Variants in PDE10A observed in about 807,000 individuals in gnomAD.
PDE10A encodes the protein cAMP and cAMP-inhibited cGMP 3',5'-cyclic phosphodiesterase 10A.
Under a neutral mutation model 97.7 loss-of-function variants are expected in PDE10A, and 39 were observed. The observed-to-expected ratio is 0.40, with a 90% CI of 0.31 to 0.52. The LOEUF is 0.52. Ranked by LOEUF, PDE10A falls within the 20% of genes least tolerant of loss-of-function variation. The probability of loss-of-function intolerance (pLI) is 0.56; values close to 1 mark genes in which losing one functional copy is unlikely to be tolerated. For synonymous variants in PDE10A, 371 were observed against 376.8 expected (o/e 0.98, Z 0.18); for missense variants, 731 against 1,047.8 (o/e 0.70, Z 4.17).
chr6:165,881,473 GCAA>G (rs553718863), intron 1 of PDE10A, among the ~76,000 whole-genome samples: 186 of 139,400 alleles, frequency 1.3e-3, no homozygotes, highest in African/African-American at 5.0e-3. Flanking sequence ...TCAGCTCACT[GCAA>G]TCTCCCCCTC....
In PDE10A at chr6:165,735,060, A is replaced by ATAGG. The variant is rs570771376; in HGVS notation, c.-614-191496_-614-191493dup. On this transcript the variant is annotated intron_variant, in intron 1 of 19. Coordinates refer to the PDE10A transcript ENST00000366882. Reference sequence around the variant, plus strand: ...AGATAGATAATAGGGAGGTAGACAGATAGGTAGGTAGGTAGGTAGGTTTGT... The same window carrying ATAGG: ...AGATAGATAATAGGGAGGTAGACAGATAGGTAGGTAGGTAGGTAGGTAGGTTTGT... Among the ~76,000 whole-genome samples, 319 of 151,206 alleles carry ATAGG rather than the reference A, an allele frequency of 2.1e-3. 3 individuals carry two copies. Among genetic ancestry groups the ATAGG allele is most frequent in the Middle Eastern group, 0.011 (3 of 276 alleles).
At chr6:165,827,853 C>A (rs139906207) in intron 1 of PDE10A, among the ~76,000 whole-genome samples, 5,560 of 152,258 alleles carry the variant, frequency 0.037, 134 homozygotes, top group Middle Eastern at 0.078. Context: ...ATCATTCTTA[C>A]GCCTTTGCAT....
intron 1 of PDE10A, among the ~76,000 whole-genome samples, chr6:165,943,761 G>C (rs560846910): frequency 6.6e-6 from 1 of 152,226 alleles, no homozygotes; most frequent in South Asian, 2.1e-4. Context: ...ATATCTTCTG[G>C]AAACGTCCTC....
chr6:165,791,853 A>G (rs1165759561), intron 1 of PDE10A, among the ~76,000 whole-genome samples: 1 of 152,212 alleles, frequency 6.6e-6, no homozygotes, highest in Non-Finnish European at 1.5e-5. Flanking sequence ...TCACACTCCA[A>G]TGATACACAT....
intron 1 of PDE10A, among the ~76,000 whole-genome samples, chr6:165,610,666 G>T (rs1467225375): frequency 6.6e-6 from 1 of 152,152 alleles, no homozygotes; most frequent in East Asian, 1.9e-4. Context: ...ACAATGCCCA[G>T]CTTGTAGGCA....
chr6:165,715,084 G>A (rs1243660914), intron 1 of PDE10A, among the ~76,000 whole-genome samples: 1 of 152,240 alleles, frequency 6.6e-6, no homozygotes, highest in Non-Finnish European at 1.5e-5. Context: ...CAGCCTGCAG[G>A]GACGGCCGCC....
At chr6:165,385,443 T>C (rs1004211763) in intron 17 of PDE10A, among the ~76,000 whole-genome samples, 6 of 152,174 alleles carry the variant, frequency 3.9e-5, no homozygotes, top group African/African-American at 1.2e-4. Flanking sequence ...GCCACAGGTG[T>C]GCCAGGTGGT....
chr6:165,427,729 G>A (rs184063622), intron 10 of PDE10A, among the ~76,000 whole-genome samples: 58 of 152,186 alleles, frequency 3.8e-4, no homozygotes, highest in Admixed American at 3.1e-3. Flanking sequence ...TGTACCCCTA[G>A]CATAAGCTCA....
chr6:165,513,707 T>C (rs1203155525), intron 2 of PDE10A, among the ~76,000 whole-genome samples: 1 of 152,166 alleles, frequency 6.6e-6, no homozygotes. Context: ...TTCAGCAATG[T>C]TTCATAGTTT....
chr6:165,901,157 C>A (rs1366183620), intron 1 of PDE10A, among the ~76,000 whole-genome samples: 1 of 152,220 alleles, frequency 6.6e-6, no homozygotes, highest in Non-Finnish European at 1.5e-5. Flanking sequence ...GGAAGCCCCT[C>A]ATCTATCAGG....
chr6:165,355,949 T>C (rs1180074030), intron 18 of PDE10A, among the ~76,000 whole-genome samples: 1 of 152,140 alleles, frequency 6.6e-6, no homozygotes, highest in Non-Finnish European at 1.5e-5. Context: ...AGAGGTTTAA[T>C]TGACTCACAG....
At chr6:165,801,868 T>A (rs1274175109) in intron 1 of PDE10A, among the ~76,000 whole-genome samples, 1 of 152,104 alleles carries the variant, frequency 6.6e-6, no homozygotes, top group African/African-American at 2.4e-5. Context: ...AATGACTGCA[T>A]GAAATAAGAC....
chr6:165,333,213 C>T lies in PDE10A; in HGVS notation c.3066-86G>A, dbSNP rs1057045038. 6.2e-6 allele frequency: 5 copies of T among 809,684 alleles called. No homozygotes were observed. In the African/African-American group the frequency reaches 6.7e-5, roughly 11 times the overall value. 50.2% of individuals were successfully genotyped at this position (809,684 alleles called of 1,614,324 possible). A position where few individuals can be genotyped will look rare whatever the true frequency, so the allele number is the denominator to read the frequency against. ...GAAAACTAACCAAACAGTCCTGTGG[C>T]ACAGCTCTGCACAACGGCATTGTGT... On this transcript the variant is annotated intron_variant, in intron 21 of 21. Transcript: ENST00000539869.
chr6:165,454,797 G>A (rs1053672281), intron 3 of PDE10A, among the ~76,000 whole-genome samples: 7 of 152,138 alleles, frequency 4.6e-5, no homozygotes, highest in South Asian at 4.1e-4. Flanking sequence ...ACTGAACGGC[G>A]CAGACTATTG....
intron 1 of PDE10A, among the ~76,000 whole-genome samples, chr6:165,927,025 A>G (rs1782955408): frequency 6.6e-6 from 1 of 151,308 alleles, no homozygotes; most frequent in Admixed American, 6.6e-5. Context: ...GGAGTTGAAC[A>G]ATGAATACAC....
chr6:165,953,641 G>A (rs1040425724), intron 1 of PDE10A, among the ~76,000 whole-genome samples: 6 of 152,012 alleles, frequency 3.9e-5, no homozygotes, highest in African/African-American at 1.4e-4. Flanking sequence ...TAAGTTTACA[G>A]AAAACTGAGC....
chr6:165,339,568 C>A (rs1781853478), intron 19 of PDE10A, among the ~76,000 whole-genome samples: 1 of 152,166 alleles, frequency 6.6e-6, no homozygotes, highest in Admixed American at 6.5e-5. Flanking sequence ...TACTGAATTA[C>A]CAGAAACCCA....
chr6:165,658,498 T>C (rs1024132956), intron 1 of PDE10A, among the ~76,000 whole-genome samples: 1 of 152,064 alleles, frequency 6.6e-6, no homozygotes, highest in East Asian at 1.9e-4. Flanking sequence ...CAGAGAGAGG[T>C]GCGGGCGTAT....
chr6:165,928,463 G>A (rs1410076926), intron 1 of PDE10A, among the ~76,000 whole-genome samples: 1 of 152,196 alleles, frequency 6.6e-6, no homozygotes, highest in African/African-American at 2.4e-5. Context: ...GACACCCACT[G>A]TTTAACCGCC....
Sources: gnomAD v4.1 joint callset for allele counts (sites outside exome capture counted in the v4.1 genomes callset) on GRCh38, gnomAD v4.1.1 for gene constraint, MANE v1.5 for transcripts, NCBI Gene and HGNC (gene_info 2026-07-23, HGNC 2026-07-21) for gene names.